Variants in ZSWIM4 observed in about 807,000 individuals in gnomAD.
ZSWIM4 encodes the protein zinc finger SWIM domain-containing protein 4.
ZSWIM4 carries 62 observed loss-of-function variants against 102.5 expected under a neutral mutation model. The ratio of observed to expected loss-of-function variants is 0.60; its 90% confidence interval spans 0.49 to 0.75. ZSWIM4 has a LOEUF of 0.75. ZSWIM4 is among the 30% of genes least tolerant of loss of function. ZSWIM4 has a pLI of 0.00. For synonymous variants in ZSWIM4, 652 were observed against 674.5 expected, an observed-to-expected ratio of 0.97 and a Z score of 0.52; for missense variants, 1,280 against 1,529.6, an observed-to-expected ratio of 0.84 and a Z score of 2.72.
Position 13,808,932 on chromosome 19 carries a change from C to T in ZSWIM4, c.809C>T (p.Ser270Phe), listed in dbSNP as rs1974994334. ...QIQEQVKQLL[S>F]NGGYYGASQQ... ...CAGGAGCAGGTGAAGCAGCTACTGT[C>T]CAATGGCGGCTACTACGGGGCCAGC... The change falls in exon 4 of 14, where the codon TCC (serine) becomes TTC (phenylalanine). Residue 270 changes from serine to phenylalanine, a missense_variant. Transcript: ENST00000590508. 3 of 1,610,658 alleles carry T rather than the reference C, an allele frequency of 1.9e-6. No homozygotes were observed. Among genetic ancestry groups the T allele is most frequent in the South Asian group, 2.2e-5 (2 of 90,702 alleles).
At position 13,830,272 on chromosome 19, in the gene ZSWIM4, C is replaced by T. The variant is rs767952514; in HGVS notation, c.2543C>T (p.Thr848Met). The change falls in exon 14 of 14, where the codon ACG becomes ATG. Residue 848 changes from threonine to methionine, a missense_variant. Coordinates refer to ENST00000590508, the MANE Select transcript of ZSWIM4 (RefSeq NM_001367834.3). ...PVEAATIVAV[T>M]GTTHATLLRL... ...GAGGCGGCTACCATCGTGGCAGTGA[C>T]GGGCACCACACACGCCACTCTGCTG... is the stretch of plus-strand genomic sequence containing the variant. 2.5e-6 allele frequency: 4 copies of T among 1,613,922 alleles called. No homozygotes were observed. The highest frequency in any genetic ancestry group is 2.2e-5 in the South Asian group (2 of 91,092).
intron 12 of ZSWIM4, among the ~76,000 whole-genome samples, chr19:13,828,328 A>G (rs1398732331): frequency 6.6e-6 from 1 of 151,970 alleles, no homozygotes; most frequent in Non-Finnish European, 1.5e-5. Context: ...AGAATGCTTG[A>G]ACTCGGGAGG....
intron 2 of ZSWIM4, among the ~76,000 whole-genome samples, chr19:13,801,087 A>G (rs1261825604): frequency 6.6e-6 from 1 of 151,670 alleles, no homozygotes; most frequent in African/African-American, 2.4e-5. Context: ...AGCCTGCAGT[A>G]AGCTATGATT....
chr19:13,823,283 T>C, intron 10 of ZSWIM4, 63 bp from the exon 11 acceptor site: 6 of 1,524,356 alleles, frequency 3.9e-6, no homozygotes, highest in South Asian at 1.3e-5. Flanking sequence ...GGCTTCTCTG[T>C]CTCCTAGAGA....
intron 2 of ZSWIM4, among the ~76,000 whole-genome samples, chr19:13,802,715 A>C (rs927896122): frequency 2.0e-5 from 3 of 152,054 alleles, no homozygotes; most frequent in Non-Finnish European, 2.9e-5. Context: ...AGTAGTTGGT[A>C]CCACAGGCGC....
chr19:13,804,189 G>A (rs1332647737), intron 2 of ZSWIM4, among the ~76,000 whole-genome samples: 2 of 151,542 alleles, frequency 1.3e-5, no homozygotes, highest in African/African-American at 4.8e-5. Flanking sequence ...ACAAAAATTA[G>A]GCTGGGCACC....
rs1975377251 is a variant in ZSWIM4, at chr19:13,818,834, G to A, written c.1925-523G>A. Among the ~76,000 whole-genome samples, 3 of 147,430 alleles carry A rather than the reference G, an allele frequency of 2.0e-5. 1 individual carries two copies. In the South Asian group the frequency reaches 6.4e-4, roughly 31 times the overall value. Reference sequence around the variant, plus strand: ...CCGCCTCGGCCTCCCAAAGTGCTGGGATTACAGGCATGAGCCGTGGTCCCC... The same window carrying A: ...CCGCCTCGGCCTCCCAAAGTGCTGGAATTACAGGCATGAGCCGTGGTCCCC... On this transcript the variant is annotated intron_variant, in intron 9 of 13. Coordinates refer to ENST00000590508, the MANE Select transcript of ZSWIM4 (RefSeq NM_001367834.3).
rs750229248 is a variant in ZSWIM4 at position 13,800,244 on chromosome 19, C to CT, written c.355+362dup. The stretch of plus-strand genomic sequence containing the variant: ...CGCGCCCAGCTAATTTTTTGTATTT[C>CT]TTTTTTTTTTTTTTTTTTTTTTTTT... On this transcript the variant is annotated intron_variant, in intron 2 of 13. Transcript: ENST00000590508. Among the ~76,000 whole-genome samples the CT allele has an allele frequency of 1.3e-3, 35 of 27,510 alleles. 10 individuals carry two copies. The highest frequency in any genetic ancestry group is 2.4e-3 in the Non-Finnish European group (31 of 12,736). 18.0% of individuals were successfully genotyped at this position (27,510 alleles called of 152,430 possible).
chr19:13,812,855 G>T, intron 5 of ZSWIM4, 142 bp from the exon 6 acceptor site: 1 of 804,730 alleles, frequency 1.2e-6, no homozygotes, highest in Non-Finnish European at 2.0e-6. Flanking sequence ...TTGTCTGTAA[G>T]GTGCAAAGGC....
chr19:13,815,623 C>T (rs903788531), intron 7 of ZSWIM4, among the ~76,000 whole-genome samples: 2 of 151,480 alleles, frequency 1.3e-5, no homozygotes, highest in African/African-American at 2.4e-5. Flanking sequence ...AGGCACCCAC[C>T]ACCACACCCA....
rs559446196 is a variant in ZSWIM4 at position 13,816,613 on chromosome 19, A to G, written c.1532-603A>G. On this transcript the variant is annotated intron_variant, in intron 7 of 13. Transcript: ENST00000590508. ...CCATTGCACTCTAGTCTGGGCAACAAGAGCAAAACTCCATCTCAGAAAAAA... is the reference window on the plus strand; with the variant it reads ...CCATTGCACTCTAGTCTGGGCAACAGGAGCAAAACTCCATCTCAGAAAAAA... 3.2e-4 allele frequency among the ~76,000 whole-genome samples: 49 copies of G among 152,232 alleles called. No homozygotes were observed. The South Asian group carries it at 9.7e-3, about 30-fold the overall frequency.
intron 7 of ZSWIM4, among the ~76,000 whole-genome samples, chr19:13,815,723 G>A (rs1023751689): frequency 2.0e-5 from 3 of 151,620 alleles, no homozygotes; most frequent in Non-Finnish European, 4.4e-5. Context: ...ACCCACCTCA[G>A]CCTCCCAAAG....
rs1337874273 is a variant in ZSWIM4, at chr19:13,825,039, CTTTTCT to C, written c.2216-506_2216-501del. Among the ~76,000 whole-genome samples, 70 of 120,052 alleles carry C rather than the reference CTTTTCT, an allele frequency of 5.8e-4. No homozygotes were observed. The highest frequency in any genetic ancestry group is 2.3e-3 in the African/African-American group (55 of 23,618). 78.8% of individuals were successfully genotyped at this position (120,052 alleles called of 152,430 possible). A position where few individuals can be genotyped will look rare whatever the true frequency, so the allele number is the denominator to read the frequency against. On this transcript the variant is annotated intron_variant, in intron 11 of 13. Coordinates refer to ENST00000590508, the MANE Select transcript of ZSWIM4 (RefSeq NM_001367834.3). This position sits in a 1 kb window ranked among gnomAD's most constrained non-coding sequence, Gnocchi z 4.6. ...TCCATAGGATCCCTAGGTGGCTTTTCTTTTCTTTTTTTTTTTTTTGAGATGGATATT... is the reference window on the plus strand; with the variant it reads ...TCCATAGGATCCCTAGGTGGCTTTTCTTTTTTTTTTTTTGAGATGGATATT...
chr19:13,820,909 C>CAA (rs34029534), intron 10 of ZSWIM4, among the ~76,000 whole-genome samples: 11 of 102,538 alleles, frequency 1.1e-4, no homozygotes, highest in African/African-American at 1.6e-4. Context: ...ACGCAATTTC[C>CAA]AAAAAAAAAA....
chr19:13,830,854 C>T lies in ZSWIM4; in HGVS notation c.3125C>T (p.Thr1042Ile), dbSNP rs973647147. 6.2e-7 allele frequency: 1 copy of T among 1,613,222 alleles called. No homozygotes were observed. The highest frequency in any genetic ancestry group is 8.5e-7 in the Non-Finnish European group (1 of 1,179,580). ...GACGCGGCAGTCACCGCCTACATCA[C>T]CACCAGCCACTCGCGCCTCACGCAC... ...LLDAAVTAYI[T>I]TSHSRLTHIS... Residue 1042 changes from threonine to isoleucine, a missense_variant, in exon 14 of 14, where the codon ACC (threonine) becomes ATC (isoleucine). Transcript: ENST00000590508.
chr19:13,811,058 C>T (rs1000315952), intron 5 of ZSWIM4, among the ~76,000 whole-genome samples: 2 of 150,022 alleles, frequency 1.3e-5, no homozygotes, highest in East Asian at 2.0e-4. Flanking sequence ...GGATCACAGG[C>T]GCCTGCCACC....
rs771065112 is a variant in ZSWIM4, at chr19:13,813,050, G to A, written c.1066G>A (p.Ala356Thr). The A allele has an allele frequency of 1.2e-6, 2 of 1,613,780 alleles. No individual in the cohort carries two copies. Among genetic ancestry groups the A allele is most frequent in the East Asian group, 2.2e-5 (1 of 44,870 alleles). Residue 356 changes from alanine to threonine, a missense_variant, in exon 6 of 14, where the codon GCA (alanine) becomes ACA (threonine). Coordinates refer to ENST00000590508, the MANE Select transcript of ZSWIM4 (RefSeq NM_001367834.3). Reference protein sequence around the residue: ...LSPHCKPEERAGWLQLLSRWD... With the variant: ...LSPHCKPEERTGWLQLLSRWD... ...CCCCCACTGCAAACCAGAGGAAAGG[G>A]CAGGCTGGCTCCAGCTACTCAGCAG...
chr19:13,808,707 C>T, intron 3 of ZSWIM4, 129 bp from the exon 4 acceptor site: 1 of 1,040,882 alleles, frequency 9.6e-7, no homozygotes. Flanking sequence ...CTACAGCACT[C>T]CAGCCTGGGC....
chr19:13,808,790 C>T (rs764631541), intron 3 of ZSWIM4, 46 bp from the exon 4 acceptor site: 4 of 1,532,072 alleles, frequency 2.6e-6, no homozygotes, highest in Non-Finnish European at 3.5e-6. Flanking sequence ...CAACCCAACC[C>T]CAACTCCAGC....
Sources: allele counts gnomAD v4.1 joint callset (sites outside exome capture counted in the v4.1 genomes callset), GRCh38; gene constraint gnomAD v4.1.1; non-coding constraint Gnocchi (gnomAD v3.1); transcripts MANE v1.5; gene names NCBI Gene and HGNC (gene_info 2026-07-23, HGNC 2026-07-21).